Variants in TBC1D5 observed in about 807,000 individuals in gnomAD.
The protein encoded by TBC1D5 is TBC1 domain family member 5.
A neutral mutation model predicts 100.3 loss-of-function variants in TBC1D5; 75 were observed. That is an observed-to-expected ratio of 0.75 (90% CI 0.62 to 0.91). The LOEUF is 0.91. Among genes scored for constraint, TBC1D5 ranks in the 40% least tolerant of loss-of-function variants. The pLI, the probability that TBC1D5 is intolerant of heterozygous loss-of-function variation, is 0.00. For missense variants in TBC1D5, 910 were observed against 942.4 expected (o/e 0.97, Z 0.45); for synonymous variants, 323 against 325.6 (o/e 0.99, Z 0.09).
intron 3 of TBC1D5, among the ~76,000 whole-genome samples, chr3:17,503,502 A>G (rs1036166293): frequency 6.7e-6 from 1 of 149,722 alleles, no homozygotes; most frequent in Admixed American, 6.6e-5. Flanking sequence ...CAGCACTTAG[A>G]ACAATGCCTA....
chr3:17,228,761 A>T (rs1487013221), intron 17 of TBC1D5, among the ~76,000 whole-genome samples: 1 of 148,838 alleles, frequency 6.7e-6, no homozygotes, highest in African/African-American at 2.5e-5. Context: ...TAGCTATCTT[A>T]TGTCCTTCCT....
At chr3:17,688,658 C>T (rs2070674198) in intron 1 of TBC1D5, among the ~76,000 whole-genome samples, 1 of 152,210 alleles carries the variant, frequency 6.6e-6, no homozygotes, top group Non-Finnish European at 1.5e-5. Context: ...TTGTATTCAA[C>T]TTACTAGCAT....
chr3:17,713,918 C>T (rs577580436), intron 1 of TBC1D5, among the ~76,000 whole-genome samples: 14 of 152,246 alleles, frequency 9.2e-5, no homozygotes, highest in African/African-American at 7.2e-5. Context: ...ACTATAAGAA[C>T]CAGTTTTGTC....
chr3:17,421,565 A>G (rs899765758), intron 4 of TBC1D5, among the ~76,000 whole-genome samples: 1 of 152,208 alleles, frequency 6.6e-6, no homozygotes, highest in Non-Finnish European at 1.5e-5. Context: ...AGAGTTAATT[A>G]CAACTTAAAA....
chr3:17,255,856 G>A (rs1458809444), intron 16 of TBC1D5, among the ~76,000 whole-genome samples: 2 of 152,068 alleles, frequency 1.3e-5, no homozygotes, highest in South Asian at 2.1e-4. Flanking sequence ...GGCTAACACG[G>A]TGAAACCCCG....
chr3:17,720,650 A>AT (rs1176218323), intron 1 of TBC1D5, among the ~76,000 whole-genome samples: 1 of 151,760 alleles, frequency 6.6e-6, no homozygotes, highest in African/African-American at 2.4e-5. Flanking sequence ...TCTAAAACAA[A>AT]TTTTTTTTAG....
chr3:17,685,958 T>C (rs1259080975), intron 1 of TBC1D5, among the ~76,000 whole-genome samples: 2 of 152,134 alleles, frequency 1.3e-5, no homozygotes, highest in African/African-American at 4.8e-5. Flanking sequence ...CTAAAAATAA[T>C]GGGAAGTCGA....
chr3:17,381,524 T>C (rs1013592948), intron 9 of TBC1D5, among the ~76,000 whole-genome samples: 3 of 152,062 alleles, frequency 2.0e-5, no homozygotes, highest in African/African-American at 7.2e-5. Flanking sequence ...GTGATAAAGA[T>C]TTTAAGCTAA....
At chr3:17,408,123 C>A (rs2093822264) in intron 4 of TBC1D5, among the ~76,000 whole-genome samples, 1 of 152,054 alleles carries the variant, frequency 6.6e-6, no homozygotes, top group South Asian at 2.1e-4. Flanking sequence ...TCACTAGTTA[C>A]TTACTAGATG....
chr3:17,368,997 C>T (rs1224420877), intron 13 of TBC1D5, among the ~76,000 whole-genome samples: 1 of 152,052 alleles, frequency 6.6e-6, no homozygotes, highest in East Asian at 1.9e-4. Flanking sequence ...AGTAGCACAG[C>T]AATTACTTAG....
At chr3:17,316,096 G>A (rs1349278554) in intron 13 of TBC1D5, among the ~76,000 whole-genome samples, 3 of 152,098 alleles carry the variant, frequency 2.0e-5, no homozygotes, top group Admixed American at 2.0e-4. Context: ...ATCTTATCTG[G>A]GTCAGAGTTC....
chr3:17,185,965 CTTTTTTTTTTTTA>C (rs1201255106), intron 18 of TBC1D5, among the ~76,000 whole-genome samples: 2 of 125,846 alleles, frequency 1.6e-5, no homozygotes, highest in East Asian at 4.6e-4. Flanking sequence ...TTTTTCTTTT[CTTTTTTTTTTTTA>C]AGGAAAAGAT....
chr3:17,243,603 A>C (rs2076486978), intron 16 of TBC1D5, among the ~76,000 whole-genome samples: 1 of 152,200 alleles, frequency 6.6e-6, no homozygotes, highest in Admixed American at 6.5e-5. Flanking sequence ...AGATTAAACA[A>C]AATTTAACAA....
chr3:17,316,865 T>A (rs2084761272), intron 13 of TBC1D5, among the ~76,000 whole-genome samples: 1 of 152,224 alleles, frequency 6.6e-6, no homozygotes. Context: ...CCTGATTTGA[T>A]CATAAGACTG....
At chr3:17,321,629 C>T (rs2085421542) in intron 13 of TBC1D5, among the ~76,000 whole-genome samples, 1 of 152,084 alleles carries the variant, frequency 6.6e-6, no homozygotes, top group Admixed American at 6.5e-5. Flanking sequence ...CCAATAGGTT[C>T]TAATCAATAT....
At position 17,707,976 on chromosome 3, in the gene TBC1D5, G is replaced by A. The variant is rs559497388; in HGVS notation, c.-101+31367C>T. The stretch of plus-strand genomic sequence containing the variant: ...TTATAACAAATGACATTCACGTTAT[G>A]CAATCAAATTCACATAAATATGAAA... On this transcript the variant is annotated intron_variant, in intron 1 of 21. Coordinates refer to ENST00000253692, the Ensembl canonical transcript of TBC1D5. Among the ~76,000 whole-genome samples the A allele has an allele frequency of 3.5e-4, 53 of 152,214 alleles. No individual in the cohort carries two copies. The Middle Eastern group carries it at 0.01, about 29-fold the overall frequency.
chr3:17,526,901 C>T (rs1370564148), intron 2 of TBC1D5, among the ~76,000 whole-genome samples: 1 of 152,052 alleles, frequency 6.6e-6, no homozygotes, highest in Middle Eastern at 3.2e-3. Flanking sequence ...ATGCTGTTTT[C>T]TCAACATGTC....
chr3:17,425,631 AAAAC>A (rs1196261241), intron 4 of TBC1D5, among the ~76,000 whole-genome samples: 1 of 152,198 alleles, frequency 6.6e-6, no homozygotes, highest in Non-Finnish European at 1.5e-5. Context: ...CCTGTCTCAA[AAAAC>A]AAACAAACAA....
At chr3:17,737,825 C>CAAA (rs11374153) in intron 1 of TBC1D5, among the ~76,000 whole-genome samples, 9 of 144,182 alleles carry the variant, frequency 6.2e-5, no homozygotes, top group African/African-American at 1.8e-4. Context: ...TATTTTGTTT[C>CAAA]AAAAAAAAAA....
Sources: allele counts gnomAD v4.1 joint callset (sites outside exome capture counted in the v4.1 genomes callset), GRCh38; gene constraint gnomAD v4.1.1; transcripts MANE v1.5; gene names NCBI Gene and HGNC (gene_info 2026-07-23, HGNC 2026-07-21).